The following PRDM10 variants were observed in gnomAD, a reference collection of about 807,000 sequenced individuals.
The protein encoded by PRDM10 is PR domain zinc finger protein 10.
A neutral mutation model predicts 133.1 loss-of-function variants in PRDM10; 65 were observed. That is an observed-to-expected ratio of 0.49 (90% confidence interval 0.40 to 0.60). The LOEUF is 0.60. Ranked by LOEUF, PRDM10 falls within the 20% of genes least tolerant of loss-of-function variation. The pLI is 0.00. For missense variants in PRDM10, 1,137 were observed against 1,507.1 expected (o/e 0.75, Z 4.07); for synonymous variants, 582 against 580.4 (o/e 1.00, Z -0.04).
rs768728380 is a variant in PRDM10 at position 129,910,548 on chromosome 11, G to A, written c.3091C>T (p.Gln1031Ter). 1.2e-6 allele frequency: 2 copies of A among 1,614,152 alleles called. No individual in the cohort carries two copies. Among genetic ancestry groups the A allele is most frequent in the Non-Finnish European group, 1.7e-6 (2 of 1,180,022 alleles). Reference sequence around the variant, plus strand: ...ACAGAGGAATTCTGCTGCTGCTGCTGCTGCTGCTGCAGAGCCTGCCCCTGT... The same window carrying A: ...ACAGAGGAATTCTGCTGCTGCTGCTACTGCTGCTGCAGAGCCTGCCCCTGT... ...STQGQALQQQQQQQQNSSVQH... is the reference protein window; with the variant it reads ...STQGQALQQQ The change falls in exon 19 of 21, where the codon CAG (glutamine) becomes TAG (stop). Residue 1031 changes from glutamine (Q) to a stop codon, truncating the protein, a stop_gained. Transcript: ENST00000360871. LOFTEE classifies it high-confidence loss of function.
rs75881091 is a variant in PRDM10, at chr11:129,919,661, G to C, written c.2035-943C>G. On this transcript the variant is annotated intron_variant, in intron 13 of 20. Transcript: ENST00000360871. The stretch of plus-strand genomic sequence containing the variant: ...AGTGCCAGCTCCCTGATCCAGTGAG[G>C]CTTTCTGCTCTGGGACACATGAATA... Among the ~76,000 whole-genome samples the C allele has an allele frequency of 6.0e-3, 912 of 152,256 alleles. 75 individuals are homozygous for C. The East Asian group carries it at 0.15, about 25-fold the overall frequency.
intron 1 of PRDM10, among the ~76,000 whole-genome samples, chr11:129,985,726 G>A (rs575001873): frequency 7.8e-4 from 103 of 131,794 alleles, no homozygotes; most frequent in East Asian, 1.2e-3. Context: ...AGTTTGCAGT[G>A]AGCCGAGATT....
At chr11:129,915,961 C>A (rs943620724) in intron 15 of PRDM10, 101 bp from the exon 16 acceptor site, 45 of 1,114,306 alleles carry the variant, frequency 4.0e-5, no homozygotes, top group Non-Finnish European at 5.5e-5. Context: ...GAAAAGTATT[C>A]ATGTAGCCCC....
rs1478127212 is a variant in PRDM10 at position 129,944,793 on chromosome 11, T to G, written c.740A>C (p.Lys247Thr). ...TACCTTGAGGTGAATGTAACAGTCT[T>G]TCAGCTCCGAGCCCCTGACGAGAGG... ...EGPLVRGSEL[K>T]DCYIHLKVSL... is the part of the protein sequence containing the mutation. Residue 247 changes from lysine to threonine, a missense_variant, in exon 6 of 21, where the codon AAA becomes ACA. Lys to Thr is a moderately conservative substitution (Grantham distance 78, BLOSUM62 -1). Coordinates refer to ENST00000360871, the MANE Select transcript of PRDM10 (RefSeq NM_199437.2). 1 of 1,613,792 alleles carries G rather than the reference T, an allele frequency of 6.2e-7. No individual in the cohort carries two copies. Among genetic ancestry groups the G allele is most frequent in the Non-Finnish European group, 8.5e-7 (1 of 1,179,942 alleles).
At chr11:129,959,840 G>A (rs1186559684) in intron 2 of PRDM10, among the ~76,000 whole-genome samples, 1 of 151,766 alleles carries the variant, frequency 6.6e-6, no homozygotes, top group Non-Finnish European at 1.5e-5. Context: ...GTGTAGTGGT[G>A]CAGTCATGGT....
intron 6 of PRDM10, among the ~76,000 whole-genome samples, chr11:129,944,552 T>C (rs899389651): frequency 6.8e-6 from 1 of 146,914 alleles, no homozygotes; most frequent in African/African-American, 2.6e-5. Flanking sequence ...GCCACTGCAC[T>C]CCAGCCTGGG....
intron 1 of PRDM10, among the ~76,000 whole-genome samples, chr11:129,979,810 C>T (rs1938003715): frequency 6.6e-6 from 1 of 152,208 alleles, no homozygotes; most frequent in Non-Finnish European, 1.5e-5. Context: ...ACTGCCTTCA[C>T]AGCCCTTCAG....
intron 19 of PRDM10, among the ~76,000 whole-genome samples, chr11:129,907,977 T>G (rs143241246): frequency 0.011 from 1,655 of 151,032 alleles, 15 homozygotes; most frequent in Middle Eastern, 0.054. Flanking sequence ...GGTATGTGCC[T>G]GTAGTCCTAG....
intron 7 of PRDM10, among the ~76,000 whole-genome samples, chr11:129,939,074 C>T (rs1951126372): frequency 6.6e-6 from 1 of 152,224 alleles, no homozygotes; most frequent in Non-Finnish European, 1.5e-5. Flanking sequence ...CTTCCCCAAC[C>T]ATCACATCAA....
Position 129,957,854 on chromosome 11 carries a change from C to T in PRDM10, c.126G>A (p.Gln42=). 1 of 1,614,096 alleles carries T rather than the reference C, an allele frequency of 6.2e-7. No individual in the cohort carries two copies. Among genetic ancestry groups the T allele is most frequent in the Non-Finnish European group, 8.5e-7 (1 of 1,179,960 alleles). ...TVAQIVYTDD[Q]VRPPQQVVYT... is the part of the protein sequence containing the mutation. ...ACACCACCTGCTGTGGGGGGCGAAC[C>T]TGGTCATCGGTATAGACAATCTGAG... is the stretch of plus-strand genomic sequence containing the variant. The change falls in exon 3 of 21, where the codon CAG becomes CAA. Residue 42 remains glutamine, a synonymous_variant. Transcript: ENST00000360871.
intron 1 of PRDM10, among the ~76,000 whole-genome samples, chr11:129,995,055 T>A (rs951679048): frequency 1.3e-5 from 2 of 152,234 alleles, no homozygotes; most frequent in Admixed American, 1.3e-4. Context: ...TTTGTAGTAA[T>A]GTAACATCTC....
intron 1 of PRDM10, among the ~76,000 whole-genome samples, chr11:129,977,255 TACACACAC>T (rs71057991): frequency 0.062 from 8,267 of 132,424 alleles, 442 homozygotes; most frequent in East Asian, 0.34. Flanking sequence ...ATGACTAAAA[TACACACAC>T]ACACACACAC....
At chr11:129,917,772 C>A (rs367926881) in intron 14 of PRDM10, among the ~76,000 whole-genome samples, 1 of 152,218 alleles carries the variant, frequency 6.6e-6, no homozygotes, top group Admixed American at 6.5e-5. Context: ...GATGCACATA[C>A]CCTGCTTTGA....
chr11:129,976,797 T>C (rs547981730), intron 1 of PRDM10, among the ~76,000 whole-genome samples: 1 of 152,290 alleles, frequency 6.6e-6, no homozygotes, highest in East Asian at 1.9e-4. Context: ...GAATAGAAAC[T>C]GGCAGCAGAA....
intron 13 of PRDM10, among the ~76,000 whole-genome samples, chr11:129,922,030 C>CT (rs1950536366): frequency 6.6e-6 from 1 of 152,142 alleles, no homozygotes; most frequent in Non-Finnish European, 1.5e-5. Context: ...TGTGGGCATA[C>CT]TGCTGACTTC....
intron 7 of PRDM10, among the ~76,000 whole-genome samples, 178 bp downstream of exon 7, chr11:129,942,248 C>T (rs570789566): frequency 1.3e-5 from 2 of 152,234 alleles, no homozygotes; most frequent in East Asian, 3.9e-4. Flanking sequence ...ATTCTATTTA[C>T]AGGATTATGA....
At chr11:129,980,706 T>C (rs914097115) in intron 1 of PRDM10, among the ~76,000 whole-genome samples, 1 of 152,132 alleles carries the variant, frequency 6.6e-6, no homozygotes, top group African/African-American at 2.4e-5. Context: ...TGAAACATTA[T>C]GCTAAGTGAA....
At chr11:129,971,982 G>A (rs1177973786) in intron 1 of PRDM10, among the ~76,000 whole-genome samples, 1 of 152,250 alleles carries the variant, frequency 6.6e-6, no homozygotes, top group Non-Finnish European at 1.5e-5. Context: ...TGCCCCGCGG[G>A]AAGGCAGCTA....
intron 1 of PRDM10, among the ~76,000 whole-genome samples, chr11:129,997,125 T>C (rs1165462624): frequency 1.3e-5 from 2 of 152,136 alleles, no homozygotes; most frequent in East Asian, 3.9e-4. Context: ...GGTGCAAACG[T>C]GGAAGTAAAA....
Sources: allele counts gnomAD v4.1 joint callset (sites outside exome capture counted in the v4.1 genomes callset), GRCh38; gene constraint gnomAD v4.1.1; transcripts MANE v1.5; gene names NCBI Gene and HGNC (gene_info 2026-07-23, HGNC 2026-07-21).